CNTN6: variants seen among roughly 807,000 people sequenced by gnomAD.
The protein encoded by CNTN6 is contactin-6.
Under a neutral mutation model 122.8 loss-of-function variants are expected in CNTN6, and 137 were observed. The ratio of observed to expected loss-of-function variants is 1.12; its 90% confidence interval spans 0.97 to 1.29. CNTN6 has a LOEUF of 1.29. CNTN6 is among the 50% of genes most tolerant of loss of function. The pLI, the probability that CNTN6 is intolerant of heterozygous loss-of-function variation, is 0.00. For missense variants in CNTN6, 1,634 were observed against 1,223.4 expected (o/e 1.34, Z -5.01); for synonymous variants, 570 against 426.0 (o/e 1.34, Z -4.16).
At chr3:1,106,549 ATCTC>A (rs763117890) in intron 1 of CNTN6, among the ~76,000 whole-genome samples, 4 of 146,712 alleles carry the variant, frequency 2.7e-5, no homozygotes, top group African/African-American at 7.4e-5. Flanking sequence ...CACACGCACA[ATCTC>A]TCTCTCTCTC....
chr3:1,198,627 CAGG>C (rs530353689), intron 2 of CNTN6, among the ~76,000 whole-genome samples: 54 of 151,790 alleles, frequency 3.6e-4, no homozygotes, highest in Middle Eastern at 6.8e-3. Flanking sequence ...GAGGCTGAGG[CAGG>C]AGAATTGCTT....
intron 1 of CNTN6, among the ~76,000 whole-genome samples, chr3:1,114,001 G>A (rs1039522177): frequency 2.6e-5 from 4 of 152,170 alleles, no homozygotes; most frequent in African/African-American, 9.7e-5. Flanking sequence ...TTCGTGCACA[G>A]AGGCAGCTAC....
At chr3:1,116,808 G>A (rs1336877860) in intron 1 of CNTN6, among the ~76,000 whole-genome samples, 3 of 147,792 alleles carry the variant, frequency 2.0e-5, no homozygotes, top group Admixed American at 7.0e-5. Flanking sequence ...AGGTTCAAGC[G>A]ATTCTCATAA....
intron 4 of CNTN6, among the ~76,000 whole-genome samples, chr3:1,243,837 G>T (rs1265683471): frequency 6.6e-6 from 1 of 152,052 alleles, no homozygotes; most frequent in Non-Finnish European, 1.5e-5. Flanking sequence ...AGCAGCTTGG[G>T]GAGGACGGGA....
chr3:1,254,238 AT>A (rs982061314), intron 4 of CNTN6, among the ~76,000 whole-genome samples: 15 of 151,982 alleles, frequency 9.9e-5, no homozygotes, highest in Non-Finnish European at 1.3e-4. Context: ...GTTGGTGATA[AT>A]TTTTTGAAGT....
chr3:1,266,677 G>A (rs1480951603), intron 4 of CNTN6, among the ~76,000 whole-genome samples: 1 of 152,140 alleles, frequency 6.6e-6, no homozygotes, highest in Non-Finnish European at 1.5e-5. Context: ...GACCATAGCA[G>A]GTATAATGGT....
At position 1,329,950 on chromosome 3, in the gene CNTN6, A is replaced by C; in HGVS notation, c.1364+15A>C. 2.0e-6 allele frequency: 3 copies of C among 1,507,682 alleles called. No individual in the cohort carries two copies. Among genetic ancestry groups the C allele is most frequent in the Non-Finnish European group, 2.7e-6 (3 of 1,131,224 alleles). The allele number at this position is 1,507,682 out of a possible 1,614,324, so 93.4% of individuals were successfully genotyped here. A position where few individuals can be genotyped will look rare whatever the true frequency, so the allele number is the denominator to read the frequency against. On this transcript the variant is annotated intron_variant, in intron 11 of 22. Coordinates refer to ENST00000446702, the MANE Select transcript of CNTN6 (RefSeq NM_001289080.2). ...CAAAGCAAAAGGTAAACAAATCTTT[A>C]TTTTTAAAAATATTTTTGTTTGTAA...
intron 11 of CNTN6, among the ~76,000 whole-genome samples, chr3:1,346,995 G>A (rs895214405): frequency 1.2e-4 from 18 of 152,204 alleles, no homozygotes; most frequent in Admixed American, 6.5e-4. Context: ...TTAAAATGTC[G>A]CATGTTCAGC....
chr3:1,403,145 G>C (rs1695943954), intron 22 of CNTN6, among the ~76,000 whole-genome samples, 173 bp from the exon 23 acceptor site: 1 of 151,984 alleles, frequency 6.6e-6, no homozygotes, highest in South Asian at 2.1e-4. Context: ...GATGTCCTTG[G>C]ACAAAGACAC....
chr3:1,361,994 C>T (rs1177297938), intron 12 of CNTN6, among the ~76,000 whole-genome samples: 1 of 152,054 alleles, frequency 6.6e-6, no homozygotes, highest in Non-Finnish European at 1.5e-5. Flanking sequence ...AAGGGAGACA[C>T]AAATAGAGGT....
At position 1,098,789 on chromosome 3, in the gene CNTN6, C is replaced by CATATATATATATATAT. The variant is rs1169127167; in HGVS notation, c.-83+5683_-83+5698dup. 8.3e-3 allele frequency among the ~76,000 whole-genome samples: 524 copies of CATATATATATATATAT among 63,026 alleles called. 4 individuals are homozygous for CATATATATATATATAT. The highest frequency in any genetic ancestry group is 0.012 in the East Asian group (18 of 1,528). The allele number at this position is 63,026 out of a possible 152,430, so 41.3% of individuals were successfully genotyped here. ...ACACACACACACACACACACACACACATATATATATATATATATATATATA... is the reference window on the plus strand; with the variant it reads ...ACACACACACACACACACACACACACATATATATATATATATATATATATATATATATATATATATA... On this transcript the variant is annotated intron_variant, in intron 1 of 22. Transcript: ENST00000446702.
At position 1,402,425 on chromosome 3, in the gene CNTN6, A is replaced by T. The variant is rs765505125; in HGVS notation, c.2925A>T (p.Arg975Ser). 2.5e-6 allele frequency: 4 copies of T among 1,612,424 alleles called. No individual in the cohort carries two copies. Among genetic ancestry groups the T allele is most frequent in the African/African-American group, 1.3e-5 (1 of 74,858 alleles). ...PFEEDYLIEI[R>S]TVSDGGDGSS... ...AAGAAGACTACTTAATTGAAATAAG[A>T]ACAGTCAGTGATGGTGGAGATGGAA... Residue 975 changes from arginine to serine, a missense_variant, in exon 22 of 23, where the codon AGA becomes AGT. Arg to Ser is a moderately radical substitution (Grantham distance 110, BLOSUM62 -1). Coordinates refer to ENST00000446702, the MANE Select transcript of CNTN6 (RefSeq NM_001289080.2).
chr3:1,332,531 G>GAAGGAAGC (rs762394172), intron 11 of CNTN6, among the ~76,000 whole-genome samples: 2 of 108,330 alleles, frequency 1.8e-5, no homozygotes, highest in Non-Finnish European at 3.9e-5. Context: ...AGGAAGGAAG[G>GAAGGAAGC]AGGGAGGGAA....
intron 5 of CNTN6, among the ~76,000 whole-genome samples, chr3:1,282,131 T>A (rs1482099918): frequency 6.6e-6 from 1 of 152,210 alleles, no homozygotes; most frequent in Non-Finnish European, 1.5e-5. Flanking sequence ...TTTTTCCATG[T>A]AAATGATTGG....
intron 5 of CNTN6, among the ~76,000 whole-genome samples, chr3:1,293,107 G>A (rs979540823): frequency 1.3e-5 from 2 of 152,124 alleles, no homozygotes; most frequent in African/African-American, 2.4e-5. Flanking sequence ...TCCTGGGAAC[G>A]ATATCAGGGT....
Position 1,345,625 on chromosome 3 carries a change from A to G in CNTN6, c.1365-6699A>G, listed in dbSNP as rs76303985. 7.3e-3 allele frequency among the ~76,000 whole-genome samples: 1,111 copies of G among 152,280 alleles called. 18 individuals are homozygous for G. Among genetic ancestry groups the G allele is most frequent in the African/African-American group, 0.026 (1,068 of 41,568 alleles). On this transcript the variant is annotated intron_variant, in intron 11 of 22. Coordinates refer to ENST00000446702, the MANE Select transcript of CNTN6 (RefSeq NM_001289080.2). ...ACATTAACTATAATAATTGGGTGCA[A>G]AAATCATTAAAATGCAATATTAATA...
At chr3:1,229,076 A>G (rs1290032623) in intron 4 of CNTN6, among the ~76,000 whole-genome samples, 1 of 152,182 alleles carries the variant, frequency 6.6e-6, no homozygotes, top group Non-Finnish European at 1.5e-5. Context: ...ACACACATAA[A>G]TATGTTGCTA....
chr3:1,306,517 G>A (rs960631469), intron 7 of CNTN6, among the ~76,000 whole-genome samples: 8 of 152,172 alleles, frequency 5.3e-5, no homozygotes, highest in Admixed American at 2.0e-4. Context: ...AGCATTTGAA[G>A]GCAAATGGTA....
At chr3:1,148,761 A>G (rs1460063240) in intron 2 of CNTN6, among the ~76,000 whole-genome samples, 3 of 152,152 alleles carry the variant, frequency 2.0e-5, no homozygotes, top group Non-Finnish European at 4.4e-5. Flanking sequence ...ATGGGCTCAA[A>G]TGGGTCTTCT....
Sources: allele counts gnomAD v4.1 joint callset (sites outside exome capture counted in the v4.1 genomes callset), GRCh38; gene constraint gnomAD v4.1.1; transcripts MANE v1.5; gene names NCBI Gene and HGNC (gene_info 2026-07-23, HGNC 2026-07-21).